LIMCH1: variants seen among roughly 807,000 people sequenced by gnomAD.
LIMCH1 encodes LIM and calponin homology domains 1.
Under a neutral mutation model 176.5 loss-of-function variants are expected in LIMCH1, and 113 were observed. The ratio of observed to expected loss-of-function variants is 0.64; its 90% CI spans 0.55 to 0.75. LIMCH1 has a LOEUF of 0.75. Among genes scored for constraint, LIMCH1 ranks in the 30% least tolerant of loss-of-function variants. The pLI is 0.00. For synonymous variants in LIMCH1, 619 were observed against 645.9 expected, an observed-to-expected ratio of 0.96 and a Z score of 0.63; for missense variants, 1,674 against 1,814.9, an observed-to-expected ratio of 0.92 and a Z score of 1.41.
At chr4:41,449,170 C>T (rs1043114738) in intron 1 of LIMCH1, among the ~76,000 whole-genome samples, 10 of 152,114 alleles carry the variant, frequency 6.6e-5, no homozygotes, top group African/African-American at 2.2e-4. Context: ...CATCCCCTGG[C>T]ACCCTTCCAA....
chr4:41,377,425 G>A (rs945904715), intron 1 of LIMCH1, among the ~76,000 whole-genome samples: 1 of 152,166 alleles, frequency 6.6e-6, no homozygotes, highest in East Asian at 1.9e-4. Flanking sequence ...CAGTGGGGCA[G>A]GAAAGGGCAT....
intron 4 of LIMCH1, chr4:41,612,465 A>G: frequency 1.4e-6 from 1 of 694,604 alleles, no homozygotes; most frequent in Non-Finnish European, 2.6e-6. Context: ...CACAGTCCTA[A>G]TTTTAAGCGA....
intron 23 of LIMCH1, among the ~76,000 whole-genome samples, chr4:41,677,387 G>C (rs770034700): frequency 4.0e-5 from 6 of 151,856 alleles, no homozygotes; most frequent in African/African-American, 1.5e-4. Flanking sequence ...CAGCCTGGAC[G>C]ACAAAAACAA....
chr4:41,426,552 C>G (rs1561334428), intron 1 of LIMCH1, among the ~76,000 whole-genome samples: 1 of 152,204 alleles, frequency 6.6e-6, no homozygotes, highest in Non-Finnish European at 1.5e-5. Context: ...TTTGAAGGTT[C>G]TCTACATATT....
At position 41,420,023 on chromosome 4, in the gene LIMCH1, G is replaced by A. The variant is rs146517683; in HGVS notation, c.96+59087G>A. ...TATGAATAAAACTAAACAAGGTAATGTGATAGAGGGGCTGATAAATGTGGA... is the reference window on the plus strand; with the variant it reads ...TATGAATAAAACTAAACAAGGTAATATGATAGAGGGGCTGATAAATGTGGA... On this transcript the variant is annotated intron_variant, in intron 1 of 26. Transcript: ENST00000313860. Among the ~76,000 whole-genome samples, 697 of 152,226 alleles carry A rather than the reference G, an allele frequency of 4.6e-3. 3 individuals are homozygous for A. Among genetic ancestry groups the A allele is most frequent in the African/African-American group, 0.015 (641 of 41,542 alleles).
At chr4:41,501,891 A>AAAAAAAAAAAAC (rs1396281922) in intron 2 of LIMCH1, among the ~76,000 whole-genome samples, 50 of 144,410 alleles carry the variant, frequency 3.5e-4, no homozygotes, top group African/African-American at 1.0e-3. Context: ...TTTTTTAAAA[A>AAAAAAAAAAAAC]AAACCTTCAA....
intron 1 of LIMCH1, among the ~76,000 whole-genome samples, chr4:41,371,439 G>T (rs1294449835): frequency 6.6e-6 from 1 of 152,058 alleles, no homozygotes; most frequent in Non-Finnish European, 1.5e-5. Context: ...TTCACTTCAC[G>T]TCTATTTCCC....
chr4:41,367,165 C>G (rs867240433), intron 1 of LIMCH1, among the ~76,000 whole-genome samples: 1 of 152,146 alleles, frequency 6.6e-6, no homozygotes, highest in Non-Finnish European at 1.5e-5. Flanking sequence ...GGGATTACAA[C>G]TTGAGATGAG....
intron 1 of LIMCH1, among the ~76,000 whole-genome samples, chr4:41,462,020 C>G (rs963721267): frequency 1.4e-4 from 22 of 152,198 alleles, no homozygotes; most frequent in African/African-American, 5.3e-4. Flanking sequence ...GCCAGTGTTG[C>G]CAAAGGGGCT....
intron 1 of LIMCH1, among the ~76,000 whole-genome samples, chr4:41,564,213 T>C (rs2152563179): frequency 6.6e-6 from 1 of 152,256 alleles, no homozygotes. Flanking sequence ...GAAAGGAGCA[T>C]GGGAGGTGAG....
At position 41,684,308 on chromosome 4, in the gene LIMCH1, G is replaced by A. The variant is rs185890373; in HGVS notation, c.3846-89G>A. On this transcript the variant is annotated intron_variant, in intron 26 of 31. Coordinates refer to ENST00000503057, the MANE Select transcript of LIMCH1 (RefSeq NM_001330672.2). Reference sequence around the variant, plus strand: ...CCATCTCTTTTTTTATATTGTAATTGGTACTCCCATCCTTTAAGTTATAGG... The same window carrying A: ...CCATCTCTTTTTTTATATTGTAATTAGTACTCCCATCCTTTAAGTTATAGG... 64 of 1,085,766 alleles carry A rather than the reference G, an allele frequency of 5.9e-5. No homozygotes were observed. The African/African-American group carries it at 8.9e-4, about 15-fold the overall frequency. 67.3% of individuals were successfully genotyped at this position (1,085,766 alleles called of 1,614,324 possible).
chr4:41,376,170 G>A (rs976301751), intron 1 of LIMCH1, among the ~76,000 whole-genome samples: 7 of 152,098 alleles, frequency 4.6e-5, no homozygotes, highest in African/African-American at 7.2e-5. Context: ...AGAACGAAAT[G>A]TACTTGCCAT....
chr4:41,581,805 C>CAAAAAAAAAAAAAAAAAAAAAAAAAAA (rs56150312), intron 1 of LIMCH1, among the ~76,000 whole-genome samples: 12 of 76,186 alleles, frequency 1.6e-4, no homozygotes, highest in African/African-American at 2.2e-4. Context: ...GACTCTGTCT[C>CAAAAAAAAAAAAAAAAAAAAAAAAAAA]AAAAAAAAAA....
intron 1 of LIMCH1, among the ~76,000 whole-genome samples, chr4:41,476,107 G>T (rs546677716): frequency 6.6e-6 from 1 of 152,236 alleles, no homozygotes; most frequent in African/African-American, 2.4e-5. Context: ...AAAGTGCTGG[G>T]ATTCCAGACA....
At chr4:41,652,491 C>T (rs1446795992) in intron 18 of LIMCH1, among the ~76,000 whole-genome samples, 1 of 152,162 alleles carries the variant, frequency 6.6e-6, no homozygotes, top group Non-Finnish European at 1.5e-5. Context: ...AGATTTCTTG[C>T]AGATGATCAC....
In LIMCH1 at chr4:41,662,892, C is replaced by T. The variant is rs772962043; in HGVS notation, c.3199C>T (p.Pro1067Ser). ...TVAFVEFPSS[P>S]QLKNDVSEEK... ...GGCCTTTGTGGAATTTCCCTCCAGCCCCCAGCTGAAGAATGATGTGTCGGA... is the reference window on the plus strand; with the variant it reads ...GGCCTTTGTGGAATTTCCCTCCAGCTCCCAGCTGAAGAATGATGTGTCGGA... Residue 1067 changes from proline (P) to serine (S), a missense_variant, in exon 20 of 32, where the codon CCC (proline) becomes TCC (serine). Pro to Ser is a moderately conservative substitution (Grantham distance 74). Around this residue, in one of 3 missense-constraint regions of LIMCH1, gnomAD observed 1,015 missense variants for 1,102.5 expected, o/e 0.92. Coordinates refer to ENST00000503057, the MANE Select transcript of LIMCH1 (RefSeq NM_001330672.2). 6 of 1,613,952 alleles carry T rather than the reference C, an allele frequency of 3.7e-6. No individual in the cohort carries two copies. Among genetic ancestry groups the T allele is most frequent in the South Asian group, 1.1e-5 (1 of 91,060 alleles).
intron 1 of LIMCH1, among the ~76,000 whole-genome samples, chr4:41,444,244 C>T (rs1160646891): frequency 1.3e-5 from 2 of 150,944 alleles, no homozygotes; most frequent in Non-Finnish European, 2.9e-5. Context: ...TTTTTGGTGA[C>T]TTTTCAGTCA....
chr4:41,563,371 G>A (rs776307004), intron 1 of LIMCH1, among the ~76,000 whole-genome samples: 2 of 152,174 alleles, frequency 1.3e-5, no homozygotes, highest in Non-Finnish European at 2.9e-5. Context: ...CTCTAGGTAT[G>A]TTATTCTCTT....
chr4:41,425,696 T>C (rs1007061148), intron 1 of LIMCH1, among the ~76,000 whole-genome samples: 3 of 152,246 alleles, frequency 2.0e-5, no homozygotes, highest in African/African-American at 7.2e-5. Flanking sequence ...TTTTGCCTGC[T>C]GCCTCTGCTA....
Sources: allele counts gnomAD v4.1 joint callset (sites outside exome capture counted in the v4.1 genomes callset), GRCh38; gene constraint gnomAD v4.1.1; regional missense constraint gnomAD v4.1.1; transcripts MANE v1.5; gene names NCBI Gene and HGNC (gene_info 2026-07-23, HGNC 2026-07-21).